The following HTR4 variants were observed in gnomAD, a reference collection of about 807,000 sequenced individuals.
HTR4 encodes 5-hydroxytryptamine (serotonin) receptor 4, G protein-coupled.
HTR4 carries 16 observed loss-of-function variants against 36.8 expected under a neutral mutation model. The observed-to-expected ratio is 0.43, with a 90% CI of 0.29 to 0.66. HTR4 has a LOEUF of 0.66. Ranked by LOEUF, HTR4 falls within the 30% of genes least tolerant of loss-of-function variation. The pLI, the probability that HTR4 is intolerant of heterozygous loss-of-function variation, is 0.13. For synonymous variants in HTR4, 189 were observed against 185.1 expected (o/e 1.02, Z -0.17); for missense variants, 438 against 490.9 (o/e 0.89, Z 1.02).
At position 148,570,533 on chromosome 5, in the gene HTR4, G is replaced by T. The variant is rs190406954; in HGVS notation, c.27-20271C>A. ...ACAGAAAAAAGGCAGAAAACACTGG[G>T]GACTGAGGCTGGAAAGTGCAGCCGT... On this transcript the variant is annotated intron_variant, in intron 2 of 6. Transcript: ENST00000377888. Among the ~76,000 whole-genome samples, 191 of 152,158 alleles carry T rather than the reference G, an allele frequency of 1.3e-3. 3 individuals are homozygous for T. Among genetic ancestry groups the T allele is most frequent in the African/African-American group, 4.4e-3 (184 of 41,554 alleles).
chr5:148,512,951 TAA>T (rs551653581), intron 5 of HTR4, among the ~76,000 whole-genome samples: 117 of 151,984 alleles, frequency 7.7e-4, no homozygotes, highest in African/African-American at 2.7e-3. Flanking sequence ...TCAAGAGATG[TAA>T]AGACATTCTT....
chr5:148,506,742 A>G (rs183227742), intron 6 of HTR4, among the ~76,000 whole-genome samples: 1 of 152,384 alleles, frequency 6.6e-6, no homozygotes, highest in East Asian at 1.9e-4. Flanking sequence ...TCAAAAGAAG[A>G]CATTTATGCA....
intron 2 of HTR4, among the ~76,000 whole-genome samples, chr5:148,604,719 T>C (rs1228509483): frequency 6.6e-6 from 1 of 152,166 alleles, no homozygotes; most frequent in African/African-American, 2.4e-5. Flanking sequence ...ATCTCAAAGA[T>C]ATAATGATGA....
chr5:148,582,938 C>A (rs1370705032), intron 2 of HTR4, among the ~76,000 whole-genome samples: 2 of 151,886 alleles, frequency 1.3e-5, no homozygotes, highest in Non-Finnish European at 1.5e-5. Flanking sequence ...CCTTCTCCTG[C>A]CTAATTGCCC....
intron 2 of HTR4, among the ~76,000 whole-genome samples, chr5:148,615,622 T>G (rs953462574): frequency 3.3e-5 from 5 of 151,052 alleles, no homozygotes; most frequent in Admixed American, 2.6e-4. Flanking sequence ...ATGGCACATG[T>G]ATACGTATGT....
intron 5 of HTR4, among the ~76,000 whole-genome samples, chr5:148,464,054 A>C (rs1490581884): frequency 6.8e-6 from 1 of 146,388 alleles, no homozygotes; most frequent in Admixed American, 6.8e-5. Context: ...AAAAAAAAAG[A>C]ATCTAGACAC....
chr5:148,636,969 T>C lies in HTR4; in HGVS notation c.26+20A>G. On this transcript the variant is annotated intron_variant, in intron 2 of 6. Transcript: ENST00000377888. ...AATGTTCTCAGTTTACAACACAATA[T>C]GTACAGAAAGGTAACATACCTCACA... 1 of 1,488,534 alleles carries C rather than the reference T, an allele frequency of 6.7e-7. No individual in the cohort carries two copies. Among genetic ancestry groups the C allele is most frequent in the South Asian group, 1.1e-5 (1 of 86,974 alleles). 92.2% of individuals were successfully genotyped at this position (1,488,534 alleles called of 1,614,324 possible).
At chr5:148,463,697 T>A (rs1289110902) in intron 5 of HTR4, among the ~76,000 whole-genome samples, 1 of 143,254 alleles carries the variant, frequency 7.0e-6, no homozygotes, top group African/African-American at 2.8e-5. Context: ...TCAGTGAGGT[T>A]TTTTTTTTTT....
intron 1 of HTR4, among the ~76,000 whole-genome samples, chr5:148,651,406 G>T (rs1754029827): frequency 6.6e-6 from 1 of 152,158 alleles, no homozygotes; most frequent in Admixed American, 6.5e-5. Context: ...GTCAGATGTT[G>T]CTGTACAAGG....
chr5:148,639,850 G>T (rs1438178829), intron 1 of HTR4, among the ~76,000 whole-genome samples: 1 of 151,908 alleles, frequency 6.6e-6, no homozygotes, highest in Non-Finnish European at 1.5e-5. Context: ...AGGAGTTTTT[G>T]ACTTTCACAC....
At position 148,654,487 on chromosome 5, in the gene HTR4, T is replaced by A; in HGVS notation, c.-473A>T. 3.0e-6 allele frequency: 3 copies of A among 985,342 alleles called. No individual in the cohort carries two copies. The highest frequency in any genetic ancestry group is 3.5e-5 in the African/African-American group (2 of 57,280). 61.0% of individuals were successfully genotyped at this position (985,342 alleles called of 1,614,324 possible). ...TGGAGCGATCTCACCCGTTCCGGGC[T>A]GGCCAGCACGCGCCCTCCCTGGCCG... On this transcript the variant is annotated 5_prime_UTR_variant, in exon 1 of 7. Transcript: ENST00000377888.
chr5:148,562,375 CT>C (rs939477884), intron 2 of HTR4, among the ~76,000 whole-genome samples: 25 of 152,138 alleles, frequency 1.6e-4, no homozygotes, highest in African/African-American at 5.8e-4. Context: ...TAAAAGGAGC[CT>C]ATTTACTGGG....
intron 4 of HTR4, among the ~76,000 whole-genome samples, chr5:148,530,932 G>C (rs1222069199): frequency 6.6e-6 from 1 of 152,220 alleles, no homozygotes; most frequent in Non-Finnish European, 1.5e-5. Flanking sequence ...GTGCCCCACT[G>C]TATTTCAGAC....
chr5:148,554,557 C>G (rs1330808616), intron 2 of HTR4, among the ~76,000 whole-genome samples: 1 of 152,058 alleles, frequency 6.6e-6, no homozygotes, highest in African/African-American at 2.4e-5. Context: ...GGACTGGGAG[C>G]ACAGGTGAAT....
At chr5:148,601,003 A>AAAAAAAAAAAG (rs1761974197) in intron 2 of HTR4, among the ~76,000 whole-genome samples, 3 of 133,124 alleles carry the variant, frequency 2.3e-5, no homozygotes, top group Non-Finnish European at 5.0e-5. Flanking sequence ...AAAAAAAAAA[A>AAAAAAAAAAAG]CAAATAATGC....
At chr5:148,496,041 A>T (rs1263422846) in intron 6 of HTR4, among the ~76,000 whole-genome samples, 1 of 152,210 alleles carries the variant, frequency 6.6e-6, no homozygotes, top group South Asian at 2.1e-4. Flanking sequence ...CGGAGGTTGC[A>T]GTAAGCCGAA....
At chr5:148,487,101 TC>T (rs1214397773) in intron 6 of HTR4, among the ~76,000 whole-genome samples, 1 of 114,040 alleles carries the variant, frequency 8.8e-6, no homozygotes, top group African/African-American at 4.1e-5. Context: ...CATTGTCATA[TC>T]TTTTTTTCAC....
At chr5:148,533,965 T>C (rs1436352929) in intron 4 of HTR4, among the ~76,000 whole-genome samples, 1 of 152,214 alleles carries the variant, frequency 6.6e-6, no homozygotes, top group Non-Finnish European at 1.5e-5. Flanking sequence ...GTTCAACATC[T>C]TTCCCTAACA....
intron 2 of HTR4, among the ~76,000 whole-genome samples, chr5:148,608,944 A>T (rs1752292712): frequency 1.3e-5 from 2 of 152,216 alleles, no homozygotes; most frequent in Non-Finnish European, 2.9e-5. Flanking sequence ...GCCAGTCAGG[A>T]TGCTACATAT....
Sources: allele counts gnomAD v4.1 joint callset (sites outside exome capture counted in the v4.1 genomes callset), GRCh38; gene constraint gnomAD v4.1.1; transcripts MANE v1.5; gene names NCBI Gene and HGNC (gene_info 2026-07-23, HGNC 2026-07-21).